Variants in MZT2B observed in about 807,000 individuals in gnomAD.
MZT2B encodes mitotic-spindle organizing protein 2B.
MZT2B carries 11 observed loss-of-function variants against 12.1 expected under a neutral mutation model. That is an observed-to-expected ratio of 0.91 (90% CI 0.57 to 1.50). The LOEUF is 1.50. Ranked by LOEUF, MZT2B falls within the 40% of genes most tolerant of loss-of-function variation. MZT2B has a pLI of 0.00. For synonymous variants in MZT2B, 85 were observed against 109.5 expected, an observed-to-expected ratio of 0.78 and a Z score of 1.40; for missense variants, 209 against 227.7, an observed-to-expected ratio of 0.92 and a Z score of 0.53.
the MZT2B span, among the ~76,000 whole-genome samples, chr2:130,203,041 CTTTTTTCTTTTTT>C: frequency 7.2e-5 from 10 of 138,248 alleles, no homozygotes; most frequent in Non-Finnish European, 1.4e-4. Flanking sequence ...TTTTTCTTTT[CTTTTTTCTTTTTT>C]TTTTTTTTTT....
the MZT2B span, chr2:130,196,021 C>G: frequency 7.2e-7 from 1 of 1,383,294 alleles, no homozygotes; most frequent in Non-Finnish European, 9.6e-7. Flanking sequence ...TCTCTCCTAA[C>G]AATGCCATGG....
chr2:130,182,976 C>T, intron 2 of MZT2B: 2 of 864,648 alleles, frequency 2.3e-6, no homozygotes, highest in Admixed American at 5.9e-5. Flanking sequence ...CAGGTGGACG[C>T]AGAGTGCGTA....
chr2:130,204,379 T>C, the MZT2B span: 3 of 390,382 alleles, frequency 7.7e-6, no homozygotes, highest in Non-Finnish European at 1.5e-5. Context: ...GATCTGAAGA[T>C]CCAAGAAGCT....
chr2:130,197,893 C>A, the MZT2B span, among the ~76,000 whole-genome samples: 2 of 125,230 alleles, frequency 1.6e-5, no homozygotes, highest in Non-Finnish European at 3.5e-5. Context: ...CAGGCGTGAG[C>A]CGCCGCGCCT....
At position 130,182,312 on chromosome 2, in the gene MZT2B, G is replaced by C; in HGVS notation, c.30G>C (p.Pro10=). The change falls in exon 1 of 3, where the codon CCG becomes CCC. Residue 10 remains proline, a synonymous_variant. Transcript: ENST00000281871. The stretch of plus-strand genomic sequence containing the variant: ...CGGCGCAGGGCGTAGGGCCTGGGCC[G>C]GGGTCGGCGGCGCCCCCGGGGCTGG... The part of the protein sequence containing the change: MAAQGVGPG[P]GSAAPPGLEA... 6.6e-7 allele frequency: 1 copy of C among 1,511,482 alleles called. No homozygotes were observed. The highest frequency in any genetic ancestry group is 8.8e-7 in the Non-Finnish European group (1 of 1,136,874). 93.6% of individuals were successfully genotyped at this position (1,511,482 alleles called of 1,614,324 possible). A position where few individuals can be genotyped will look rare whatever the true frequency, so the allele number is the denominator to read the frequency against.
chr2:130,193,223 C>T (rs1050224163), downstream of MZT2B, among the ~76,000 whole-genome samples: 43 of 151,828 alleles, frequency 2.8e-4, no homozygotes, highest in African/African-American at 1.0e-3. Flanking sequence ...CTACTACAGC[C>T]TGAGAGACAA....
At chr2:130,200,187 C>T in the MZT2B span, among the ~76,000 whole-genome samples, 1 of 151,946 alleles carries the variant, frequency 6.6e-6, no homozygotes, top group Non-Finnish European at 1.5e-5. Context: ...GTCAGGAGAT[C>T]GAGACCATCC....
downstream of MZT2B, chr2:130,191,736 T>C: frequency 1.9e-6 from 3 of 1,538,684 alleles, no homozygotes; most frequent in Non-Finnish European, 1.8e-6. Flanking sequence ...TGCATGACAC[T>C]CAGAGGTCTT....
upstream of MZT2B, chr2:130,181,684 G>A (rs956576165): frequency 6.5e-7 from 1 of 1,548,488 alleles, no homozygotes; most frequent in Non-Finnish European, 8.7e-7. Context: ...AAAGGCGCGT[G>A]CGCAAAGCGA....
chr2:130,182,725 A>C lies in MZT2B; in HGVS notation c.269A>C (p.Gln90Pro), dbSNP rs1223693561. Residue 90 changes from glutamine to proline, a missense_variant, in exon 2 of 3, where the codon CAG becomes CCG. Gln to Pro is a moderately conservative substitution (Grantham distance 76, BLOSUM62 -1). Transcript: ENST00000281871. ...GGGCAGAGGCTAGCGAGCGAGCCCC[A>C]GGACCCTGCGGCCGTGTCTCTGCCC... is the stretch of plus-strand genomic sequence containing the variant. ...CAGQRLASEP[Q>P]DPAAVSLPTS... 5.9e-6 allele frequency: 9 copies of C among 1,534,872 alleles called. No homozygotes were observed. In the South Asian group the frequency reaches 1.1e-4, roughly 18 times the overall value.
chr2:130,182,328 C>T lies in MZT2B; in HGVS notation c.46C>T (p.Pro16Ser), dbSNP rs779799298. Residue 16 changes from proline to serine, a missense_variant, in exon 1 of 3, where the codon CCG becomes TCG. Coordinates refer to ENST00000281871, the MANE Select transcript of MZT2B (RefSeq NM_025029.5). ...VGPGPGSAAP[P>S]GLEAARQKLA... ...GCCTGGGCCGGGGTCGGCGGCGCCC[C>T]CGGGGCTGGAGGCGGCCCGGCAGAA... 11 of 1,523,796 alleles carry T rather than the reference C, an allele frequency of 7.2e-6. No homozygotes were observed. The South Asian group carries it at 1.2e-4, about 17-fold the overall frequency. 94.4% of individuals were successfully genotyped at this position (1,523,796 alleles called of 1,614,324 possible). A position where few individuals can be genotyped will look rare whatever the true frequency, so the allele number is the denominator to read the frequency against.
the MZT2B span, chr2:130,198,259 T>G: frequency 1.6e-6 from 2 of 1,274,534 alleles, 1 homozygote; most frequent in East Asian, 5.6e-5. Flanking sequence ...TTCTCTGGCC[T>G]CCTCTCAGCG....
intron 2 of MZT2B, chr2:130,184,262 C>T (rs2104721645): frequency 3.0e-6 from 3 of 985,462 alleles, no homozygotes; most frequent in Non-Finnish European, 3.6e-6. Flanking sequence ...AGACAGCCGG[C>T]CAGAGTGCGG....
rs1350933495 is a variant in MZT2B, at chr2:130,182,764, C to T, written c.308C>T (p.Pro103Leu). ...AAVSLPTSSV[P>L]ETRGRNKGSA... ...GTGTCTCTGCCCACGTCGAGCGTGC[C>T]CGAGACCCGAGGTCAGAGCTGGGCC... The change falls in exon 2 of 3, where the codon CCC (proline) becomes CTC (leucine). Residue 103 changes from proline (P) to leucine (L), a missense_variant. Physicochemically the swap from Pro to Leu is moderately conservative, Grantham distance 98. Coordinates refer to ENST00000281871, the MANE Select transcript of MZT2B (RefSeq NM_025029.5). The T allele has an allele frequency of 4.7e-6, 7 of 1,503,320 alleles. No homozygotes were observed. Among genetic ancestry groups the T allele is most frequent in the Non-Finnish European group, 5.3e-6 (6 of 1,122,932 alleles). The allele number at this position is 1,503,320 out of a possible 1,614,324, so 93.1% of individuals were successfully genotyped here. A position where few individuals can be genotyped will look rare whatever the true frequency, so the allele number is the denominator to read the frequency against.
At chr2:130,184,801 C>T (rs1658683456) in intron 2 of MZT2B, 20 of 985,418 alleles carry the variant, frequency 2.0e-5, no homozygotes, top group Non-Finnish European at 2.3e-5. Context: ...CCAGGCCTAG[C>T]TCTCAGGGCA....
the MZT2B span, among the ~76,000 whole-genome samples, chr2:130,196,731 A>G: frequency 6.6e-6 from 1 of 152,332 alleles, no homozygotes; most frequent in Non-Finnish European, 1.5e-5. Flanking sequence ...TGATCAAAGG[A>G]TAAGGTAGTC....
intron 2 of MZT2B, among the ~76,000 whole-genome samples, chr2:130,188,696 G>A (rs1690151010): frequency 6.6e-6 from 1 of 152,154 alleles, no homozygotes; most frequent in African/African-American, 2.4e-5. Context: ...ATTCTCTGAG[G>A]AAGAACTCCC....
intron 2 of MZT2B, chr2:130,188,143 T>G (rs1690127348): frequency 6.6e-6 from 1 of 151,972 alleles, no homozygotes; most frequent in Admixed American, 6.6e-5. Flanking sequence ...GGGTCATTGC[T>G]GAGGGGAGGA....
At chr2:130,202,644 G>C in the MZT2B span, among the ~76,000 whole-genome samples, 2 of 152,180 alleles carry the variant, frequency 1.3e-5, no homozygotes, top group African/African-American at 4.8e-5. Context: ...AGCTGGGCTT[G>C]GCTCCTTGCC....
Sources: allele counts gnomAD v4.1 joint callset (sites outside exome capture counted in the v4.1 genomes callset), GRCh38; gene constraint gnomAD v4.1.1; transcripts MANE v1.5; gene names NCBI Gene and HGNC (gene_info 2026-07-23, HGNC 2026-07-21).